Variants in RHOA observed in about 807,000 individuals in gnomAD.
RHOA encodes the protein ras homolog family member A, also known as transforming protein RhoA.
In RHOA, 3 loss-of-function variants were observed where a neutral mutation model predicts 17.5. The observed-to-expected ratio is 0.17, with a 90% CI of 0.08 to 0.44. RHOA has a LOEUF of 0.44. RHOA is among the 20% of genes least tolerant of loss of function. RHOA has a pLI of 0.99. For missense variants in RHOA, 56 were observed against 242.3 expected, an observed-to-expected ratio of 0.23 and a Z score of 5.10; for synonymous variants, 98 against 88.4, an observed-to-expected ratio of 1.11 and a Z score of -0.61.
At chr3:49,410,787 T>G (rs1268483340) in intron 1 of RHOA, among the ~76,000 whole-genome samples, 2 of 152,130 alleles carry the variant, frequency 1.3e-5, no homozygotes, top group Non-Finnish European at 2.9e-5. Flanking sequence ...AAAGGCAGAG[T>G]GAAATATCTA....
intron 1 of RHOA, among the ~76,000 whole-genome samples, chr3:49,380,942 A>G (rs1297571359): frequency 1.3e-5 from 2 of 150,864 alleles, no homozygotes; most frequent in Non-Finnish European, 1.5e-5. Flanking sequence ...GTGTGTGTGT[A>G]TATATATAGA....
intron 1 of RHOA, among the ~76,000 whole-genome samples, chr3:49,387,926 A>T (rs1202749615): frequency 6.6e-6 from 1 of 151,918 alleles, no homozygotes; most frequent in Non-Finnish European, 1.5e-5. Context: ...TGGTTCTAGC[A>T]TGTCTTACAC....
chr3:49,376,280 T>G (rs2048225292), intron 1 of RHOA, among the ~76,000 whole-genome samples: 1 of 152,116 alleles, frequency 6.6e-6, no homozygotes, highest in Admixed American at 6.6e-5. Context: ...TTTTGTAATG[T>G]GGGAAATCCT....
chr3:49,371,290 T>C (rs903295734), intron 2 of RHOA, among the ~76,000 whole-genome samples: 6 of 152,044 alleles, frequency 3.9e-5, no homozygotes, highest in Admixed American at 1.3e-4. Flanking sequence ...TGTTTTTTTT[T>C]TTTTTTGAGA....
At chr3:49,366,303 G>A (rs2048055520) in intron 3 of RHOA, among the ~76,000 whole-genome samples, 1 of 152,086 alleles carries the variant, frequency 6.6e-6, no homozygotes, top group Admixed American at 6.6e-5. Context: ...AGTCATATTA[G>A]TTTGAAAACC....
rs114353141 is a variant in RHOA, at chr3:49,384,085, A to G, written c.-2-8494T>C. On this transcript the variant is annotated intron_variant, in intron 1 of 4. Coordinates refer to ENST00000418115, the MANE Select transcript of RHOA (RefSeq NM_001664.4). ...ATCTGATAAAGAACATTTGGCCCAGAAAAAGAATAAAATCATTTAGCCACT... is the reference window on the plus strand; with the variant it reads ...ATCTGATAAAGAACATTTGGCCCAGGAAAAGAATAAAATCATTTAGCCACT... 6.9e-3 allele frequency among the ~76,000 whole-genome samples: 1,051 copies of G among 152,264 alleles called. 8 individuals carry two copies. The highest frequency in any genetic ancestry group is 0.024 in the African/African-American group (1,003 of 41,568).
chr3:49,403,263 G>A (rs923737115), intron 1 of RHOA, among the ~76,000 whole-genome samples: 23 of 152,026 alleles, frequency 1.5e-4, no homozygotes, highest in African/African-American at 4.3e-4. Context: ...ACTTGAACCC[G>A]GGAGGCAGAG....
chr3:49,389,198 T>A (rs2107874886), intron 1 of RHOA, among the ~76,000 whole-genome samples: 1 of 151,006 alleles, frequency 6.6e-6, no homozygotes, highest in African/African-American at 2.4e-5. Flanking sequence ...AAAAAAAAAA[T>A]CAGCCAGGCC....
intron 1 of RHOA, among the ~76,000 whole-genome samples, chr3:49,391,226 A>T (rs2048498049): frequency 7.3e-6 from 1 of 137,552 alleles, no homozygotes; most frequent in East Asian, 3.1e-4. Flanking sequence ...AAAAAAAAAA[A>T]AAAAGAAATA....
At chr3:49,372,428 T>C (rs1476967687) in intron 2 of RHOA, among the ~76,000 whole-genome samples, 1 of 152,150 alleles carries the variant, frequency 6.6e-6, no homozygotes, top group African/African-American at 2.4e-5. Flanking sequence ...TGGCTCACTC[T>C]GTATTTGAAT....
chr3:49,364,387 A>G (rs1219250792), intron 3 of RHOA, among the ~76,000 whole-genome samples: 1 of 152,214 alleles, frequency 6.6e-6, no homozygotes, highest in African/African-American at 2.4e-5. Context: ...TGAGAGGCTG[A>G]GGCTGGAGAA....
chr3:49,401,056 AAAAAAG>A lies in RHOA; in HGVS notation c.-3+10758_-3+10763del, dbSNP rs1355778240. On this transcript the variant is annotated intron_variant, in intron 1 of 4. Transcript: ENST00000418115. ...GACTCCGTCTCAAAAAAAAAAAAAA[AAAAAAG>A]AGTTAATTTCCTACCTTTTAGAAAG... Among the ~76,000 whole-genome samples the A allele has an allele frequency of 6.6e-5, 10 of 150,958 alleles. No individual in the cohort carries two copies. In the South Asian group the frequency reaches 8.4e-4, roughly 13 times the overall value.
intron 1 of RHOA, among the ~76,000 whole-genome samples, chr3:49,404,409 A>G (rs2048778084): frequency 1.1e-5 from 1 of 88,064 alleles, no homozygotes; most frequent in Admixed American, 1.6e-4. Flanking sequence ...CCTGGCCAAC[A>G]AAGTAAAACC....
At chr3:49,411,427 T>C (rs913128273) in intron 1 of RHOA, among the ~76,000 whole-genome samples, 1 of 152,234 alleles carries the variant, frequency 6.6e-6, no homozygotes, top group South Asian at 2.1e-4. Flanking sequence ...CCATTTCAAC[T>C]CCGACAGCCA....
intron 1 of RHOA, among the ~76,000 whole-genome samples, chr3:49,391,347 A>G (rs1218106278): frequency 6.6e-6 from 1 of 151,606 alleles, no homozygotes; most frequent in East Asian, 1.9e-4. Flanking sequence ...AGCCAAGATC[A>G]CACCACTGCA....
rs2107850392 is a variant in RHOA at position 49,375,605 on chromosome 3, C to T, written c.-2-14G>A. On this transcript the variant is annotated splice_polypyrimidine_tract_variant and intron_variant, in intron 1 of 4. Coordinates refer to ENST00000418115, the MANE Select transcript of RHOA (RefSeq NM_001664.4). ...TGGCAGCCATTGCTGAAACACAAAACACAGATATTACCTGCAATGCACAAG... is the reference window on the plus strand; with the variant it reads ...TGGCAGCCATTGCTGAAACACAAAATACAGATATTACCTGCAATGCACAAG... The T allele has an allele frequency of 1.2e-6, 2 of 1,611,964 alleles. No individual in the cohort carries two copies. The highest frequency in any genetic ancestry group is 1.7e-6 in the Non-Finnish European group (2 of 1,178,822).
intron 1 of RHOA, among the ~76,000 whole-genome samples, chr3:49,401,193 T>C (rs1212234213): frequency 6.6e-6 from 1 of 152,076 alleles, no homozygotes; most frequent in African/African-American, 2.4e-5. Flanking sequence ...GGAAGTTACT[T>C]CTTTCCAAAC....
At chr3:49,387,111 C>A (rs1422255328) in intron 1 of RHOA, among the ~76,000 whole-genome samples, 3 of 63,488 alleles carry the variant, frequency 4.7e-5, no homozygotes, top group Admixed American at 2.9e-4. Context: ...GAGAGAAACT[C>A]CGTCTCAAAA....
intron 1 of RHOA, among the ~76,000 whole-genome samples, chr3:49,401,765 G>T (rs149516807): frequency 7.9e-5 from 12 of 152,214 alleles, no homozygotes; most frequent in South Asian, 4.1e-4. Context: ...AATTTCTTCA[G>T]ATTTTGGAAT....
Sources: gnomAD v4.1 joint callset for allele counts (sites outside exome capture counted in the v4.1 genomes callset) on GRCh38, gnomAD v4.1.1 for gene constraint, MANE v1.5 for transcripts, NCBI Gene and HGNC (gene_info 2026-07-23, HGNC 2026-07-21) for gene names.